Variants in LRP2BP observed in about 807,000 individuals in gnomAD.
The protein encoded by LRP2BP is LRP2-binding protein.
A neutral mutation model predicts 45.2 loss-of-function variants in LRP2BP; 38 were observed. The ratio of observed to expected loss-of-function variants is 0.84; its 90% CI spans 0.65 to 1.10. The LOEUF is 1.10. Among genes scored for constraint, LRP2BP ranks in the 50% least tolerant of loss-of-function variants. The pLI is 0.00. For missense variants in LRP2BP, 385 were observed against 418.9 expected, an observed-to-expected ratio of 0.92 and a Z score of 0.71; for synonymous variants, 153 against 153.9, an observed-to-expected ratio of 0.99 and a Z score of 0.04.
chr4:185,386,116 A>G (rs1326873057), intron 1 of LRP2BP, among the ~76,000 whole-genome samples: 1 of 152,228 alleles, frequency 6.6e-6, no homozygotes, highest in African/African-American at 2.4e-5. Flanking sequence ...CACCATTATT[A>G]TGCAGTCACA....
In LRP2BP at chr4:185,395,194, AT is replaced by A. The variant is rs2095498605; in HGVS notation, c.-438del. The stretch of plus-strand genomic sequence containing the variant: ...TTTCCTTTCCTTATGAAATTTACGT[AT>A]GTAACAGGAAGTTAAAAAATAACTA... On this transcript the variant is annotated 5_prime_UTR_variant, in exon 1 of 9. Transcript: ENST00000505916. 2 of 985,378 alleles carry A rather than the reference AT, an allele frequency of 2.0e-6. No homozygotes were observed. Among genetic ancestry groups the A allele is most frequent in the Non-Finnish European group, 2.4e-6 (2 of 829,864 alleles). 61.0% of individuals were successfully genotyped at this position (985,378 alleles called of 1,614,324 possible). A position where few individuals can be genotyped will look rare whatever the true frequency, so the allele number is the denominator to read the frequency against.
chr4:185,374,581 T>A, intron 4 of LRP2BP, 120 bp from the exon 5 acceptor site: 1 of 1,063,048 alleles, frequency 9.4e-7, no homozygotes, highest in Non-Finnish European at 1.3e-6. Flanking sequence ...ACTATGAATC[T>A]GTGCCCAAGG....
chr4:185,380,227 G>A lies in LRP2BP; in HGVS notation c.-21-2020C>T, dbSNP rs551327003. Among the ~76,000 whole-genome samples the A allele has an allele frequency of 4.0e-4, 61 of 152,258 alleles. No individual in the cohort carries two copies. In the East Asian group the frequency reaches 4.1e-3, roughly 10 times the overall value. ...TTTTAGCTTCCTGTCTTGGATTGGC[G>A]TCTTTTATTAGCTCCCAAACATTCT... On this transcript the variant is annotated intron_variant, in intron 1 of 8. Coordinates refer to ENST00000505916, the MANE Select transcript of LRP2BP (RefSeq NM_001377440.1).
intron 2 of LRP2BP, 169 bp from the exon 3 acceptor site, chr4:185,377,187 G>T (rs533621308): frequency 1.6e-6 from 1 of 609,796 alleles, no homozygotes; most frequent in Non-Finnish European, 2.9e-6. Flanking sequence ...CTGAAAAAAC[G>T]TCATGGTCAC....
chr4:185,371,885 G>A (rs569409335), intron 7 of LRP2BP, among the ~76,000 whole-genome samples: 31 of 152,148 alleles, frequency 2.0e-4, no homozygotes, highest in Middle Eastern at 3.4e-3. Context: ...GGCTCGGAGA[G>A]GGGGGAGACC....
chr4:185,378,433 G>A lies in LRP2BP; in HGVS notation c.-21-226C>T, dbSNP rs375136656. 35 of 1,315,778 alleles carry A rather than the reference G, an allele frequency of 2.7e-5. No individual in the cohort carries two copies. The East Asian group carries it at 2.9e-4, about 11-fold the overall frequency. The allele number at this position is 1,315,778 out of a possible 1,614,324, so 81.5% of individuals were successfully genotyped here. ...TCTCCATGTCATTTTCCACAGCATC[G>A]CATTCACCATGAGACCTGTTTGCAC... On this transcript the variant is annotated intron_variant, in intron 1 of 8. Coordinates refer to ENST00000505916, the MANE Select transcript of LRP2BP (RefSeq NM_001377440.1).
rs1358741431 is a variant in LRP2BP at position 185,390,194 on chromosome 4, A to G, written c.-22+4585T>C. Among the ~76,000 whole-genome samples, 7 of 151,926 alleles carry G rather than the reference A, an allele frequency of 4.6e-5. No individual in the cohort carries two copies. The East Asian group carries it at 1.4e-3, about 29-fold the overall frequency. ...TCTTAAAAACAAGCTCTCATGTCTCACTCATATCTCATCAGTTACATAATA... is the reference window on the plus strand; with the variant it reads ...TCTTAAAAACAAGCTCTCATGTCTCGCTCATATCTCATCAGTTACATAATA... On this transcript the variant is annotated intron_variant, in intron 1 of 8. Transcript: ENST00000505916.
chr4:185,376,066 G>C (rs763223883), intron 3 of LRP2BP, among the ~76,000 whole-genome samples: 1 of 152,038 alleles, frequency 6.6e-6, no homozygotes, highest in South Asian at 2.1e-4. Flanking sequence ...AAGTCTTCCC[G>C]GGGAAGTCAA....
intron 1 of LRP2BP, among the ~76,000 whole-genome samples, chr4:185,384,122 C>T (rs1488289261): frequency 1.3e-5 from 2 of 152,040 alleles, no homozygotes; most frequent in Admixed American, 1.3e-4. Context: ...AGAGGTGGAG[C>T]CCTGGGGAGT....
chr4:185,371,497 G>A lies in LRP2BP; in HGVS notation c.804-683C>T, dbSNP rs541998288. Among the ~76,000 whole-genome samples the A allele has an allele frequency of 2.3e-4, 32 of 141,050 alleles. No individual in the cohort carries two copies. In the East Asian group the frequency reaches 2.5e-3, roughly 11 times the overall value. The allele number at this position is 141,050 out of a possible 152,430, so 92.5% of individuals were successfully genotyped here. A position where few individuals can be genotyped will look rare whatever the true frequency, so the allele number is the denominator to read the frequency against. ...GCAGAGCTTGCAGTGAGCCGAGATC[G>A]CACCACTGCACTCCAGCCTGGGCAA... is the stretch of plus-strand genomic sequence containing the variant. On this transcript the variant is annotated intron_variant, in intron 7 of 8. Transcript: ENST00000505916.
Position 185,395,065 on chromosome 4 carries a change from A to G in LRP2BP, c.-308T>C, listed in dbSNP as rs1440871788. 1.0e-6 allele frequency: 1 copy of G among 981,684 alleles called. No individual in the cohort carries two copies. Among genetic ancestry groups the G allele is most frequent in the Admixed American group, 6.5e-5 (1 of 15,386 alleles). The allele number at this position is 981,684 out of a possible 1,614,324, so 60.8% of individuals were successfully genotyped here. ...GTTTCTAGGCCCATTACTAAAGTCAAGTCAGATATCCAGCTGAGATACAAC... is the reference window on the plus strand; with the variant it reads ...GTTTCTAGGCCCATTACTAAAGTCAGGTCAGATATCCAGCTGAGATACAAC... On this transcript the variant is annotated 5_prime_UTR_variant, in exon 1 of 9. Coordinates refer to ENST00000505916, the MANE Select transcript of LRP2BP (RefSeq NM_001377440.1).
Position 185,372,973 on chromosome 4 carries a change from G to C in LRP2BP, c.686C>G (p.Ala229Gly), listed in dbSNP as rs999889321. ...TGCTTCTCTTAAGCACTGCAGGGCA[G>C]CTTCCGTATCCTGCCGGATGCCTTG... Reference protein sequence around the residue: ...YGQGIRQDTEAALQCLREAAE... With the variant: ...YGQGIRQDTEGALQCLREAAE... Residue 229 changes from alanine (A) to glycine (G), a missense_variant, in exon 7 of 9, where the codon GCT (alanine) becomes GGT (glycine). By Grantham distance (60) the Ala-to-Gly change is moderately conservative. Coordinates refer to ENST00000505916, the MANE Select transcript of LRP2BP (RefSeq NM_001377440.1). 6.2e-7 allele frequency: 1 copy of C among 1,614,042 alleles called. No homozygotes were observed. Among genetic ancestry groups the C allele is most frequent in the Admixed American group, 1.7e-5 (1 of 60,018 alleles).
At chr4:185,390,530 A>G (rs2095485527) in intron 1 of LRP2BP, 1 of 151,836 alleles carries the variant, frequency 6.6e-6, no homozygotes, top group African/African-American at 2.4e-5. Context: ...AAAAAAAAAA[A>G]AAGAAAAAAG....
intron 1 of LRP2BP, chr4:185,378,442 A>G: frequency 7.8e-7 from 1 of 1,284,960 alleles, no homozygotes. Context: ...CGCATTCACC[A>G]TGAGACCTGT....
intron 1 of LRP2BP, among the ~76,000 whole-genome samples, chr4:185,386,687 A>G (rs933443904): frequency 6.6e-6 from 1 of 151,814 alleles, no homozygotes; most frequent in Non-Finnish European, 1.5e-5. Flanking sequence ...GTACACCCCA[A>G]CGTGACCCCT....
chr4:185,368,342 T>C (rs559911937), intron 8 of LRP2BP, among the ~76,000 whole-genome samples: 8 of 152,278 alleles, frequency 5.3e-5, no homozygotes, highest in Non-Finnish European at 1.2e-4. Flanking sequence ...AGAGCAGGCC[T>C]GGGTCTGTCG....
At chr4:185,392,696 T>C (rs1208007815) in intron 1 of LRP2BP, among the ~76,000 whole-genome samples, 2 of 152,210 alleles carry the variant, frequency 1.3e-5, no homozygotes, top group Admixed American at 1.3e-4. Flanking sequence ...TATTATCACC[T>C]TCAGTGTATG....
At position 185,395,191 on chromosome 4, in the gene LRP2BP, C is replaced by T. The variant is rs550568455; in HGVS notation, c.-434G>A. On this transcript the variant is annotated 5_prime_UTR_variant, in exon 1 of 9. Coordinates refer to ENST00000505916, the MANE Select transcript of LRP2BP (RefSeq NM_001377440.1). Reference sequence around the variant, plus strand: ...AAATTTCCTTTCCTTATGAAATTTACGTATGTAACAGGAAGTTAAAAAATA... The same window carrying T: ...AAATTTCCTTTCCTTATGAAATTTATGTATGTAACAGGAAGTTAAAAAATA... 4.1e-6 allele frequency: 4 copies of T among 985,292 alleles called. No individual in the cohort carries two copies. The highest frequency in any genetic ancestry group is 4.8e-6 in the Non-Finnish European group (4 of 829,912). 61.0% of individuals were successfully genotyped at this position (985,292 alleles called of 1,614,324 possible).
chr4:185,386,828 G>A (rs895114671), intron 1 of LRP2BP, among the ~76,000 whole-genome samples: 5 of 152,206 alleles, frequency 3.3e-5, no homozygotes, highest in South Asian at 4.1e-4. Flanking sequence ...CCAGCACTAC[G>A]AAGGCCACTG....
Sources: allele counts gnomAD v4.1 joint callset (sites outside exome capture counted in the v4.1 genomes callset), GRCh38; gene constraint gnomAD v4.1.1; transcripts MANE v1.5; gene names NCBI Gene and HGNC (gene_info 2026-07-23, HGNC 2026-07-21).